EP400: variants seen among roughly 807,000 people sequenced by gnomAD.
The protein encoded by EP400 is E1A-binding protein p400.
Under a neutral mutation model 354.1 loss-of-function variants are expected in EP400, and 105 were observed. The ratio of observed to expected loss-of-function variants is 0.30; its 90% confidence interval spans 0.25 to 0.35. The LOEUF (loss-of-function observed/expected upper bound fraction) is 0.35, where lower values mean the gene tolerates loss of function less well. EP400 is among the 10% of genes least tolerant of loss of function. EP400 has a pLI of 1.00. For missense variants in EP400, 3,280 were observed against 4,121.0 expected (o/e 0.80, Z 5.59); for synonymous variants, 1,646 against 1,716.9 (o/e 0.96, Z 1.02).
chr12:132,001,980 C>T (rs1893431581), intron 12 of EP400, among the ~76,000 whole-genome samples: 1 of 152,144 alleles, frequency 6.6e-6, no homozygotes, highest in South Asian at 2.1e-4. Context: ...ACAGCTCGTG[C>T]CCTCGGTCTC....
rs977383419 is a variant in EP400, at chr12:132,028,371, A to G, written c.5381+83A>G. On this transcript the variant is annotated intron_variant, in intron 27 of 52. Coordinates refer to ENST00000389561, the MANE Select transcript of EP400 (RefSeq NM_015409.5). ...ACCCCTTCTTGTCTCGTGGATGTAC[A>G]TCTTACTCCCATCGGCTTCTCCCCA... 7 of 1,529,718 alleles carry G rather than the reference A, an allele frequency of 4.6e-6. No homozygotes were observed. In the African/African-American group the frequency reaches 8.2e-5, roughly 18 times the overall value. The allele number at this position is 1,529,718 out of a possible 1,614,324, so 94.8% of individuals were successfully genotyped here.
intron 3 of EP400, 46 bp downstream of exon 3, chr12:131,979,839 T>G (rs762600405): frequency 4.6e-5 from 69 of 1,503,862 alleles, no homozygotes; most frequent in Non-Finnish European, 3.8e-5. Context: ...CCCCCTCTCC[T>G]TGGGCTGCCG....
rs755200823 is a variant in EP400, at chr12:132,055,187, A to T, written c.7863A>T (p.Pro2621=). Residue 2621 remains proline (P), a synonymous_variant, in exon 45 of 53, where the codon CCA becomes CCT. Transcript: ENST00000389561. ...CCATCAACAAGCGCCTGGCGTCGCC[A>T]GTGGCTCCTGGGGCCTTGACTGTGA... ...FQSINKRLAS[P]VAPGALTTPG... 15 of 1,573,204 alleles carry T rather than the reference A, an allele frequency of 9.5e-6. No individual in the cohort carries two copies. The highest frequency in any genetic ancestry group is 1.3e-5 in the Non-Finnish European group (15 of 1,158,722).
rs529782027 is a variant in EP400, at chr12:132,055,094, C to T, written c.7775-5C>T. ...CTGTTGCCTTATGCCCGCCTGTCTC[C>T]GCAGGTGCCGTGAGTGGAAATGTGA... On this transcript the variant is annotated splice_region_variant and splice_polypyrimidine_tract_variant and intron_variant, in intron 44 of 52. Transcript: ENST00000389561. 29 of 1,613,848 alleles carry T rather than the reference C, an allele frequency of 1.8e-5. No homozygotes were observed. The highest frequency in any genetic ancestry group is 1.6e-4 in the South Asian group (15 of 91,056).
intron 50 of EP400, chr12:132,068,022 G>C (rs1026766164): frequency 6.5e-6 from 1 of 153,708 alleles, no homozygotes; most frequent in African/African-American, 2.4e-5. Context: ...GTCTCAGCCA[G>C]CTCCCTGAGA....
At chr12:131,986,429 TG>T in intron 5 of EP400, 84 bp from the exon 6 acceptor site, 1 of 1,394,488 alleles carries the variant, frequency 7.2e-7, no homozygotes, top group Non-Finnish European at 9.7e-7. Flanking sequence ...GCGTCTCTGG[TG>T]CTGTGGGCGC....
chr12:131,967,075 C>G (rs1892123009), intron 2 of EP400, among the ~76,000 whole-genome samples: 1 of 151,550 alleles, frequency 6.6e-6, no homozygotes, highest in South Asian at 2.1e-4. Context: ...TAGTGAGACC[C>G]TGTCTCAAAA....
chr12:131,975,211 A>C (rs754822649), intron 2 of EP400, among the ~76,000 whole-genome samples: 3 of 152,138 alleles, frequency 2.0e-5, no homozygotes, highest in Non-Finnish European at 2.9e-5. Context: ...AGCAGTCAAC[A>C]GGGCGCACAG....
In EP400 at chr12:132,023,832, C is replaced by A; in HGVS notation, c.4746C>A (p.Arg1582=). The change falls in exon 24 of 53, where the codon CGC becomes CGA. Residue 1582 remains arginine (R), a synonymous_variant. Transcript: ENST00000389561. ...QLASITGPQS[R]VAQPETPVTL... The stretch of plus-strand genomic sequence containing the variant: ...CATCCATCACAGGACCACAGAGCCG[C>A]GTGGCTCAGCCAGAGACGCCGGTGA... The A allele has an allele frequency of 6.2e-7, 1 of 1,613,918 alleles. No homozygotes were observed. The highest frequency in any genetic ancestry group is 8.5e-7 in the Non-Finnish European group (1 of 1,179,944).
At chr12:131,992,074 C>T (rs1893058341) in intron 10 of EP400, 99 bp from the exon 11 acceptor site, 4 of 1,347,394 alleles carry the variant, frequency 3.0e-6, no homozygotes, top group African/African-American at 2.9e-5. Context: ...CAGGCTTGCC[C>T]CGGGGCTCCC....
At chr12:132,035,534 TCACA>T (rs566176731) in intron 30 of EP400, among the ~76,000 whole-genome samples, 281 of 152,032 alleles carry the variant, frequency 1.8e-3, no homozygotes, top group African/African-American at 6.6e-3. Flanking sequence ...ACACCCAGGT[TCACA>T]CACACAGCAT....
At position 132,027,231 on chromosome 12, in the gene EP400, G is replaced by A. The variant is rs989453385; in HGVS notation, c.5015-206G>A. On this transcript the variant is annotated intron_variant, in intron 25 of 52. Transcript: ENST00000389561. This position sits in a 1 kb window ranked among gnomAD's most constrained non-coding sequence, Gnocchi z 4.9. ...ATGGCCTGCGAGCCAGCATGCTTCC[G>A]TGGCAGGTCTAAAGCATTTAAGTTT... Among the ~76,000 whole-genome samples the A allele has an allele frequency of 1.3e-5, 2 of 152,232 alleles. No individual in the cohort carries two copies. Among genetic ancestry groups the A allele is most frequent in the African/African-American group, 2.4e-5 (1 of 41,460 alleles).
intron 24 of EP400, among the ~76,000 whole-genome samples, chr12:132,024,379 A>G (rs1894227232): frequency 6.6e-6 from 1 of 152,148 alleles, no homozygotes; most frequent in Non-Finnish European, 1.5e-5. Flanking sequence ...TCTCTAAGTA[A>G]TAGATAAGTA....
At chr12:132,066,702 G>T in intron 48 of EP400, 72 bp from the exon 49 acceptor site, 1 of 1,471,106 alleles carries the variant, frequency 6.8e-7, no homozygotes, top group Non-Finnish European at 9.2e-7. Flanking sequence ...ATGACCTCTT[G>T]TGGAGAAGTA....
At position 132,078,616 on chromosome 12, in the gene EP400, G is replaced by T. The variant is rs1351727555; in HGVS notation, c.*943G>T. On this transcript the variant is annotated 3_prime_UTR_variant, in exon 53 of 53. Coordinates refer to ENST00000389561, the MANE Select transcript of EP400 (RefSeq NM_015409.5). ...GAGGGTACGATGAGGCCTGGGCTCA[G>T]TGAGCCAGGACGAATGTGACAGACA... 1.3e-5 allele frequency: 2 copies of T among 152,310 alleles called. No homozygotes were observed. The highest frequency in any genetic ancestry group is 4.8e-5 in the African/African-American group (2 of 41,476). 9.4% of individuals were successfully genotyped at this position (152,310 alleles called of 1,614,324 possible).
intron 5 of EP400, among the ~76,000 whole-genome samples, chr12:131,985,371 C>T (rs1332646639): frequency 3.3e-5 from 5 of 152,246 alleles, no homozygotes; most frequent in Non-Finnish European, 7.3e-5. Flanking sequence ...CATTTCCAAA[C>T]GCCTGTGGCC....
rs1448395795 is a variant in EP400, at chr12:132,017,638, C to G, written c.4027C>G (p.Pro1343Ala). The G allele has an allele frequency of 6.2e-7, 1 of 1,607,256 alleles. No homozygotes were observed. The highest frequency in any genetic ancestry group is 1.7e-5 in the Admixed American group (1 of 59,080). The part of the protein sequence containing the change: ...NHPGLVEPRH[P>A]GSSYVAGPLE... ...CCCTGGGCTCGTCGAGCCCCGGCAC[C>G]CAGGCTCTTCCTACGTGGCGGGGCC... The change falls in exon 20 of 53, where the codon CCA (proline) becomes GCA (alanine). Residue 1343 changes from proline (P) to alanine (A), a missense_variant. Pro to Ala is a conservative substitution (Grantham distance 27). Transcript: ENST00000389561. This position sits in a 1 kb window ranked among gnomAD's most constrained non-coding sequence, Gnocchi z 5.0.
intron 7 of EP400, 70 bp downstream of exon 7, chr12:131,987,960 T>G: frequency 8.7e-7 from 1 of 1,152,098 alleles, no homozygotes; most frequent in Non-Finnish European, 1.2e-6. Flanking sequence ...GTGGTGTAAG[T>G]GGTGGGGAGG....
chr12:132,005,832 A>C (rs573974052), intron 13 of EP400, among the ~76,000 whole-genome samples: 1 of 152,244 alleles, frequency 6.6e-6, no homozygotes, highest in Non-Finnish European at 1.5e-5. Context: ...CCAGCTCCTA[A>C]TTGCTATGGA....
Sources: gnomAD v4.1 joint callset for allele counts (sites outside exome capture counted in the v4.1 genomes callset) on GRCh38, gnomAD v4.1.1 for gene constraint, Gnocchi (gnomAD v3.1) non-coding constraint, MANE v1.5 for transcripts, NCBI Gene and HGNC (gene_info 2026-07-23, HGNC 2026-07-21) for gene names.